Variants in ADAMTSL1 observed in about 807,000 individuals in gnomAD.
ADAMTSL1 encodes ADAMTS-like protein 1.
Under a neutral mutation model 201.8 loss-of-function variants are expected in ADAMTSL1, and 126 were observed. The ratio of observed to expected loss-of-function variants is 0.62; its 90% CI spans 0.54 to 0.72. ADAMTSL1 has a LOEUF of 0.72. Ranked by LOEUF, ADAMTSL1 falls within the 30% of genes least tolerant of loss-of-function variation. The probability of loss-of-function intolerance (pLI) is 0.00; values close to 1 mark genes in which losing one functional copy is unlikely to be tolerated. For missense variants in ADAMTSL1, 2,679 were observed against 2,277.8 expected (o/e 1.18, Z -3.59); for synonymous variants, 1,121 against 903.4 (o/e 1.24, Z -4.32).
intron 1 of ADAMTSL1, among the ~76,000 whole-genome samples, chr9:18,012,767 G>A (rs1304356098): frequency 6.6e-6 from 1 of 151,978 alleles, no homozygotes; most frequent in Non-Finnish European, 1.5e-5. Flanking sequence ...GGTTGATGAG[G>A]TATCACAATG....
chr9:18,853,875 C>T (rs1826663785), intron 23 of ADAMTSL1, among the ~76,000 whole-genome samples: 1 of 142,618 alleles, frequency 7.0e-6, no homozygotes, highest in Non-Finnish European at 1.5e-5. Flanking sequence ...GTGGAGTCTA[C>T]TTGTATTCAC....
intron 4 of ADAMTSL1, among the ~76,000 whole-genome samples, chr9:18,583,078 CG>C (rs1347242245): frequency 2.0e-5 from 3 of 151,948 alleles, no homozygotes; most frequent in Non-Finnish European, 4.4e-5. Flanking sequence ...TTATAAGCAG[CG>C]TGAAAATGGG....
chr9:18,743,278 G>T (rs1044988029), intron 15 of ADAMTSL1, among the ~76,000 whole-genome samples: 1 of 152,108 alleles, frequency 6.6e-6, no homozygotes, highest in African/African-American at 2.4e-5. Context: ...TTATATAATT[G>T]GACCTAGTTT....
Position 18,892,402 on chromosome 9 carries a change from T to A in ADAMTSL1, c.4657T>A (p.Ser1553Thr), listed in dbSNP as rs772683514. Residue 1553 changes from serine (S) to threonine (T), a missense_variant, in exon 26 of 29, where the codon TCC becomes ACC. Coordinates refer to ENST00000380548, the MANE Select transcript of ADAMTSL1 (RefSeq NM_001040272.6). ...RDCPSRWMVT[S>T]WSACTRSCGG... is the part of the protein sequence containing the mutation. Reference sequence around the variant, plus strand: ...TCCTCTCCCCAGGTGGATGGTGACCTCCTGGTCTGCCTGTACCCGGAGCTG... The same window carrying A: ...TCCTCTCCCCAGGTGGATGGTGACCACCTGGTCTGCCTGTACCCGGAGCTG... The A allele has an allele frequency of 6.2e-7, 1 of 1,612,912 alleles. No homozygotes were observed. Among genetic ancestry groups the A allele is most frequent in the South Asian group, 1.1e-5 (1 of 90,648 alleles).
At chr9:18,098,838 C>T (rs2131838999) in intron 1 of ADAMTSL1, among the ~76,000 whole-genome samples, 1 of 152,270 alleles carries the variant, frequency 6.6e-6, no homozygotes, top group South Asian at 2.1e-4. Flanking sequence ...GACCACAGTG[C>T]TTAGCTAGGA....
rs2131640083 is a variant in ADAMTSL1 at position 18,910,207 on chromosome 9, TC to T, written c.*1660del. On this transcript the variant is annotated 3_prime_UTR_variant, in exon 29 of 29. Transcript: ENST00000380548. ...TGGACAGGTTTAAGTTGGGTCTCCT[TC>T]TTCTTCACCACAAAAACAGGCTCTA... 1 of 152,268 alleles carries T rather than the reference TC, an allele frequency of 6.6e-6. No individual in the cohort carries two copies. The highest frequency in any genetic ancestry group is 6.5e-5 in the Admixed American group (1 of 15,306). 9.4% of individuals were successfully genotyped at this position (152,268 alleles called of 1,614,324 possible). A position where few individuals can be genotyped will look rare whatever the true frequency, so the allele number is the denominator to read the frequency against.
intron 2 of ADAMTSL1, among the ~76,000 whole-genome samples, chr9:18,418,793 C>T (rs1434145210): frequency 6.6e-6 from 1 of 152,102 alleles, no homozygotes; most frequent in Non-Finnish European, 1.5e-5. Flanking sequence ...GATTTTATGC[C>T]ATTCCACTCA....
intron 2 of ADAMTSL1, among the ~76,000 whole-genome samples, chr9:18,418,173 A>G (rs141884240): frequency 1.3e-5 from 2 of 152,338 alleles, no homozygotes; most frequent in Non-Finnish European, 2.9e-5. Flanking sequence ...TCAGTCAGCT[A>G]GGAAAAGAAG....
chr9:17,949,178 G>T (rs1827633750), intron 1 of ADAMTSL1, among the ~76,000 whole-genome samples: 1 of 152,186 alleles, frequency 6.6e-6, no homozygotes, highest in Non-Finnish European at 1.5e-5. Context: ...TATGTTGTAT[G>T]CAAGATAATT....
intron 1 of ADAMTSL1, among the ~76,000 whole-genome samples, chr9:17,908,797 T>C (rs1443302977): frequency 6.6e-6 from 1 of 152,164 alleles, no homozygotes; most frequent in Non-Finnish European, 1.5e-5. Context: ...CCATGTGTCT[T>C]TATAGCAGCA....
chr9:18,688,118 GTATATATATA>G (rs71333061), intron 13 of ADAMTSL1, among the ~76,000 whole-genome samples: 1 of 142,702 alleles, frequency 7.0e-6, no homozygotes, highest in Middle Eastern at 3.4e-3. Context: ...ATGTATGTAT[GTATATATATA>G]TATATATATA....
At chr9:18,289,210 G>A (rs1438027439) in intron 2 of ADAMTSL1, among the ~76,000 whole-genome samples, 1 of 151,224 alleles carries the variant, frequency 6.6e-6, no homozygotes, top group Admixed American at 6.6e-5. Flanking sequence ...TATGGATATA[G>A]ATATAATTAC....
chr9:18,392,643 C>G lies in ADAMTSL1; in HGVS notation c.208-112186C>G, dbSNP rs187617649. ...TACATGTTCAAACAAAGTAACCTTA[C>G]ACAACATAACCTCAAAAACATAGTA... On this transcript the variant is annotated intron_variant, in intron 2 of 29. Transcript: ENST00000680146. Among the ~76,000 whole-genome samples the G allele has an allele frequency of 4.6e-3, 703 of 152,338 alleles. 4 individuals carry two copies. The highest frequency in any genetic ancestry group is 9.9e-3 in the South Asian group (48 of 4,830).
chr9:18,715,992 T>C (rs901140980), intron 14 of ADAMTSL1, among the ~76,000 whole-genome samples: 2 of 151,036 alleles, frequency 1.3e-5, no homozygotes, highest in Non-Finnish European at 2.9e-5. Context: ...GGGGAAAGGA[T>C]TCCCTATTTA....
At chr9:18,440,870 T>C (rs1287638635) in intron 2 of ADAMTSL1, among the ~76,000 whole-genome samples, 1 of 152,140 alleles carries the variant, frequency 6.6e-6, no homozygotes, top group East Asian at 1.9e-4. Context: ...TTTTAGCAAA[T>C]AGGTTAATCT....
rs142034837 is a variant in ADAMTSL1 at position 18,403,033 on chromosome 9, C to T, written c.208-101796C>T. Among the ~76,000 whole-genome samples, 226 of 152,256 alleles carry T rather than the reference C, an allele frequency of 1.5e-3. 1 individual carries two copies. The highest frequency in any genetic ancestry group is 5.1e-3 in the African/African-American group (210 of 41,534). On this transcript the variant is annotated intron_variant, in intron 2 of 29. Transcript: ENST00000680146. Reference sequence around the variant, plus strand: ...TTGTGACTTGATTAACCCAAGATGACACTGCTAGTAAATGGCAGAGCTGTG... The same window carrying T: ...TTGTGACTTGATTAACCCAAGATGATACTGCTAGTAAATGGCAGAGCTGTG...
chr9:18,361,634 C>G (rs1362566394), intron 2 of ADAMTSL1, among the ~76,000 whole-genome samples: 1 of 152,018 alleles, frequency 6.6e-6, no homozygotes, highest in African/African-American at 2.4e-5. Flanking sequence ...AGCTTTTAAT[C>G]CCCTAGAGTA....
intron 4 of ADAMTSL1, among the ~76,000 whole-genome samples, chr9:18,604,768 A>T (rs1219074158): frequency 6.6e-6 from 1 of 152,196 alleles, no homozygotes; most frequent in Non-Finnish European, 1.5e-5. Context: ...TTGTAGGTAG[A>T]TAGGCGCAAA....
At chr9:18,234,456 C>A (rs1830762062) in intron 2 of ADAMTSL1, among the ~76,000 whole-genome samples, 1 of 152,102 alleles carries the variant, frequency 6.6e-6, no homozygotes, top group African/African-American at 2.4e-5. Flanking sequence ...TTGTTTAATA[C>A]CTCCATGAAG....
Sources: gnomAD v4.1 joint callset for allele counts (sites outside exome capture counted in the v4.1 genomes callset) on GRCh38, gnomAD v4.1.1 for gene constraint, MANE v1.5 for transcripts, NCBI Gene and HGNC (gene_info 2026-07-23, HGNC 2026-07-21) for gene names.